The following ARID1B variants were observed in gnomAD, a reference collection of about 807,000 sequenced individuals.
ARID1B encodes AT-rich interactive domain-containing protein 1B.
A neutral mutation model predicts 212.3 loss-of-function variants in ARID1B; 30 were observed. That is an observed-to-expected ratio of 0.14 (90% CI 0.11 to 0.19). The LOEUF is 0.19. Among genes scored for constraint, ARID1B ranks in the 10% least tolerant of loss-of-function variants. The pLI is 1.00. For missense variants in ARID1B, 2,891 were observed against 3,204.0 expected, an observed-to-expected ratio of 0.90 and a Z score of 2.36; for synonymous variants, 1,402 against 1,301.7, an observed-to-expected ratio of 1.08 and a Z score of -1.66.
chr6:157,190,028 C>G lies in ARID1B; in HGVS notation c.4059-10C>G, dbSNP rs189200947. 7.2e-5 allele frequency: 116 copies of G among 1,612,464 alleles called. No individual in the cohort carries two copies. Among genetic ancestry groups the G allele is most frequent in the Admixed American group, 1.2e-4 (7 of 59,788 alleles). ...GTATCATTAAGCTTTCATTCTTTGC[C>G]TCTCTTCAGAAGCAGTACAATCAGT... is the stretch of plus-strand genomic sequence containing the variant. On this transcript the variant is annotated splice_polypyrimidine_tract_variant and intron_variant, in intron 14 of 19. Transcript: ENST00000636930. This position sits in a 1 kb window ranked among gnomAD's most constrained non-coding sequence, Gnocchi z 4.6.
chr6:156,989,148 C>T (rs759850744), intron 4 of ARID1B, among the ~76,000 whole-genome samples: 5 of 152,154 alleles, frequency 3.3e-5, no homozygotes, highest in Non-Finnish European at 7.4e-5. Flanking sequence ...CCATGTTTAT[C>T]ATATTTTATT....
At chr6:156,929,439 G>A (rs1791516974) in intron 3 of ARID1B, among the ~76,000 whole-genome samples, 2 of 152,214 alleles carry the variant, frequency 1.3e-5, no homozygotes, top group African/African-American at 4.8e-5. Context: ...CTCTGTGGAA[G>A]TGGTCGCAGC....
chr6:156,910,267 C>T (rs1318430062), intron 3 of ARID1B, among the ~76,000 whole-genome samples: 4 of 152,152 alleles, frequency 2.6e-5, no homozygotes, highest in Non-Finnish European at 5.9e-5. Context: ...ACCAGATACC[C>T]TGGTGATGGT....
chr6:156,789,265 A>G (rs903811696), intron 1 of ARID1B, among the ~76,000 whole-genome samples: 1 of 152,116 alleles, frequency 6.6e-6, no homozygotes, highest in African/African-American at 2.4e-5. Context: ...TCATATGGTG[A>G]TTTTTCTGCT....
In ARID1B at chr6:157,207,328, G is replaced by A. The variant is rs1438076886; in HGVS notation, c.6556G>A (p.Ala2186Thr). Residue 2186 changes from alanine (A) to threonine (T), a missense_variant, in exon 20 of 20, where the codon GCA becomes ACA. Physicochemically the swap from Ala to Thr is moderately conservative, Grantham distance 58 (BLOSUM62 0). This residue lies in a region of ARID1B where 187 missense variants were observed against 306.5 expected (regional missense o/e 0.61). Transcript: ENST00000636930. The surrounding 1 kb of genome is among the most constrained non-coding windows in gnomAD (Gnocchi z 8.5). ...CTGGATGGTGTGCCCGTCTGCAGAG[G>A]CACAAGATCCCTTTCCAACTGTGGG... Reference protein sequence around the residue: ...LHWMVCPSAEAQDPFPTVGPN... With the variant: ...LHWMVCPSAETQDPFPTVGPN... The A allele has an allele frequency of 1.2e-6, 2 of 1,614,064 alleles. No individual in the cohort carries two copies. The highest frequency in any genetic ancestry group is 1.7e-6 in the Non-Finnish European group (2 of 1,179,962).
chr6:157,054,842 C>T (rs768457278), intron 4 of ARID1B, among the ~76,000 whole-genome samples: 10 of 152,182 alleles, frequency 6.6e-5, no homozygotes, highest in Non-Finnish European at 1.2e-4. Context: ...CGTGTACCTC[C>T]CTCCTGTCCA....
At chr6:156,814,363 C>T (rs544068267) in intron 1 of ARID1B, among the ~76,000 whole-genome samples, 54 of 152,184 alleles carry the variant, frequency 3.5e-4, no homozygotes, top group African/African-American at 1.2e-3. Context: ...TGATTGCCAC[C>T]GCACTACAGT....
chr6:156,998,858 A>G (rs549236146), intron 4 of ARID1B, among the ~76,000 whole-genome samples: 1 of 152,328 alleles, frequency 6.6e-6, no homozygotes, highest in South Asian at 2.1e-4. Flanking sequence ...GGAAAAGAGG[A>G]AGAAAGCGTT....
chr6:156,872,132 G>A (rs1247107565), intron 2 of ARID1B, among the ~76,000 whole-genome samples: 1 of 152,190 alleles, frequency 6.6e-6, no homozygotes, highest in African/African-American at 2.4e-5. Flanking sequence ...CAAGGCGAGT[G>A]ATCCTGAGCA....
intron 1 of ARID1B, among the ~76,000 whole-genome samples, chr6:156,789,732 A>C (rs74405399): frequency 0.01 from 1,596 of 152,300 alleles, 24 homozygotes; most frequent in African/African-American, 0.035. Flanking sequence ...GTTAGAGAGC[A>C]CTGGAAGATT....
chr6:157,187,620 G>T (rs1793061456), intron 13 of ARID1B, among the ~76,000 whole-genome samples: 1 of 152,160 alleles, frequency 6.6e-6, no homozygotes, highest in Non-Finnish European at 1.5e-5. Flanking sequence ...TTAACCTTCA[G>T]TAACCTTTCC....
chr6:157,158,425 T>C (rs149831225), intron 8 of ARID1B, among the ~76,000 whole-genome samples: 81 of 152,324 alleles, frequency 5.3e-4, no homozygotes, highest in Admixed American at 1.0e-3. Context: ...CACAGTGATA[T>C]AGGATGGAGA....
intron 7 of ARID1B, among the ~76,000 whole-genome samples, chr6:157,136,408 G>A (rs931579441): frequency 6.6e-6 from 1 of 152,158 alleles, no homozygotes; most frequent in African/African-American, 2.4e-5. Flanking sequence ...ACTGACTTAC[G>A]AGGGGCCTCT....
chr6:157,146,731 C>A (rs1789755811), intron 7 of ARID1B, among the ~76,000 whole-genome samples: 1 of 152,148 alleles, frequency 6.6e-6, no homozygotes, highest in Non-Finnish European at 1.5e-5. Context: ...GTCACCTGTG[C>A]CTAGAACAGC....
intron 1 of ARID1B, among the ~76,000 whole-genome samples, chr6:156,808,631 A>G (rs534631300): frequency 3.2e-4 from 49 of 152,330 alleles, no homozygotes; most frequent in African/African-American, 1.1e-3. Context: ...TTGAATATAT[A>G]TAAGTGTACT....
intron 2 of ARID1B, among the ~76,000 whole-genome samples, chr6:156,897,944 G>A (rs989426552): frequency 9.9e-5 from 15 of 152,202 alleles, no homozygotes; most frequent in Admixed American, 2.0e-4. Flanking sequence ...GTTTGTTGAC[G>A]CTCAGATCCT....
intron 3 of ARID1B, among the ~76,000 whole-genome samples, chr6:156,934,948 A>ATATATATATATG: frequency 1.1e-5 from 1 of 91,420 alleles, no homozygotes; most frequent in South Asian, 3.0e-4. Context: ...ATATATATAT[A>ATATATATATATG]TATATATATA....
Position 157,208,738 on chromosome 6 carries a change from CAA to C in ARID1B, c.*849_*850del, listed in dbSNP as rs1426395159. On this transcript the variant is annotated 3_prime_UTR_variant, in exon 20 of 20. Transcript: ENST00000636930. ...TTCTTTTTTTTTTTTTTTTTTAGTA[CAA>C]AGTTTTAGTTTCTTTTTCATGATGT... The C allele has an allele frequency of 7.1e-6, 1 of 140,794 alleles. No homozygotes were observed. The highest frequency in any genetic ancestry group is 1.3e-5 in the Non-Finnish European group (1 of 76,870). The allele number at this position is 140,794 out of a possible 1,614,324, so 8.7% of individuals were successfully genotyped here. A position where few individuals can be genotyped will look rare whatever the true frequency, so the allele number is the denominator to read the frequency against.
chr6:156,818,282 G>C (rs1314501381), intron 1 of ARID1B, among the ~76,000 whole-genome samples: 1 of 151,574 alleles, frequency 6.6e-6, no homozygotes, highest in Non-Finnish European at 1.5e-5. Flanking sequence ...TAAAACCAGG[G>C]GCAAATAGCC....
Sources: allele counts gnomAD v4.1 joint callset (sites outside exome capture counted in the v4.1 genomes callset), GRCh38; gene constraint gnomAD v4.1.1; regional missense constraint gnomAD v4.1.1; non-coding constraint Gnocchi (gnomAD v3.1); transcripts MANE v1.5; gene names NCBI Gene and HGNC (gene_info 2026-07-23, HGNC 2026-07-21).